The following ANK3 variants were observed in gnomAD, a reference collection of about 807,000 sequenced individuals.
ANK3 encodes ankyrin 3, also known as ankyrin-3.
A neutral mutation model predicts 370.9 loss-of-function variants in ANK3; 57 were observed. The ratio of observed to expected loss-of-function variants is 0.15; its 90% CI spans 0.12 to 0.19. ANK3 has a LOEUF of 0.19. Among genes scored for constraint, ANK3 ranks in the 10% least tolerant of loss-of-function variants. The pLI, the probability that ANK3 is intolerant of heterozygous loss-of-function variation, is 1.00. For missense variants in ANK3, 4,439 were observed against 5,302.1 expected, an observed-to-expected ratio of 0.84 and a Z score of 5.06; for synonymous variants, 1,929 against 1,946.3, an observed-to-expected ratio of 0.99 and a Z score of 0.23.
Position 60,076,437 on chromosome 10 carries a change from T to C in ANK3, c.4444A>G (p.Thr1482Ala), listed in dbSNP as rs1287582962. The C allele has an allele frequency of 6.3e-7, 1 of 1,588,744 alleles. No homozygotes were observed. The highest frequency in any genetic ancestry group is 1.8e-5 in the Admixed American group (1 of 54,992). ...LTEPGMIERS[T>A]GATRSLPTTY... ...GTGGGGAGGGATCTTGTTGCTCCTG[T>C]ACTCCGTTCAACTGTTTCTTAAATT... The change falls in exon 37 of 44, where the codon ACA (threonine) becomes GCA (alanine). Residue 1482 changes from threonine (T) to alanine (A), a missense_variant. Transcript: ENST00000280772.
At chr10:60,207,948 A>T in intron 10 of ANK3, 88 bp downstream of exon 10, 1 of 1,154,354 alleles carries the variant, frequency 8.7e-7, no homozygotes, top group Non-Finnish European at 1.3e-6. Context: ...CTTCTATTTT[A>T]ACCTCCTCAA....
intron 2 of ANK3, among the ~76,000 whole-genome samples, chr10:60,478,778 G>A (rs562090213): frequency 1.3e-5 from 2 of 152,120 alleles, no homozygotes; most frequent in South Asian, 2.1e-4. Flanking sequence ...AACAGCATAA[G>A]CTTTAGGGTC....
chr10:60,406,042 T>A (rs1177067052), intron 2 of ANK3, among the ~76,000 whole-genome samples: 4 of 152,206 alleles, frequency 2.6e-5, no homozygotes, highest in African/African-American at 9.7e-5. Flanking sequence ...ATCTCTGTTT[T>A]CTTGTGGAAG....
At chr10:60,053,799 T>C in intron 42 of ANK3, 1 of 1,191,236 alleles carries the variant, frequency 8.4e-7, no homozygotes, top group Non-Finnish European at 1.1e-6. Flanking sequence ...TGGTTGCTAT[T>C]ATACTATGGT....
In ANK3 at chr10:60,318,102, T is replaced by C. The variant is rs149938458; in HGVS notation, c.115-38463A>G. Reference sequence around the variant, plus strand: ...GGTTATCTGTACCTATTTCATAATTTGTAAAATTTTAAGTTCTGGGATACA... The same window carrying C: ...GGTTATCTGTACCTATTTCATAATTCGTAAAATTTTAAGTTCTGGGATACA... On this transcript the variant is annotated intron_variant, in intron 1 of 43. Transcript: ENST00000280772. 3.4e-4 allele frequency among the ~76,000 whole-genome samples: 52 copies of C among 152,304 alleles called. No homozygotes were observed. The East Asian group carries it at 8.7e-3, about 25-fold the overall frequency.
chr10:60,615,425 T>C (rs1006261888), intron 1 of ANK3, among the ~76,000 whole-genome samples: 4 of 151,286 alleles, frequency 2.6e-5, no homozygotes, highest in Non-Finnish European at 5.9e-5. Context: ...AATGCTTAGA[T>C]AACTACAAAA....
chr10:60,043,713 CT>C (rs2076495330), intron 42 of ANK3: 2 of 985,356 alleles, frequency 2.0e-6, no homozygotes, highest in Non-Finnish European at 1.2e-6. Context: ...CTCTCCGCCC[CT>C]GTCCCAACAG....
chr10:60,115,039 T>C (rs921551110), intron 25 of ANK3, among the ~76,000 whole-genome samples: 2 of 152,178 alleles, frequency 1.3e-5, no homozygotes, highest in Non-Finnish European at 2.9e-5. Flanking sequence ...TACAGTTTCC[T>C]GCTAAGAACA....
chr10:60,207,769 C>T (rs952937018), intron 10 of ANK3, among the ~76,000 whole-genome samples: 2 of 152,098 alleles, frequency 1.3e-5, no homozygotes, highest in African/African-American at 4.8e-5. Context: ...CCACCTTAGT[C>T]TTTTTATAAT....
intron 43 of ANK3, 103 bp downstream of exon 43, chr10:60,042,568 AG>A: frequency 1.8e-6 from 2 of 1,130,702 alleles, no homozygotes; most frequent in South Asian, 1.5e-5. Context: ...GCTGAAATTC[AG>A]TGAAAAGGAA....
intron 1 of ANK3, among the ~76,000 whole-genome samples, chr10:60,635,565 C>T (rs964849733): frequency 2.0e-5 from 3 of 152,104 alleles, no homozygotes; most frequent in Non-Finnish European, 2.9e-5. Flanking sequence ...TAGAACATTT[C>T]ACATATGACC....
chr10:60,516,223 C>T (rs1360274565), intron 2 of ANK3, among the ~76,000 whole-genome samples: 1 of 152,004 alleles, frequency 6.6e-6, no homozygotes, highest in Non-Finnish European at 1.5e-5. Flanking sequence ...AAATGAAGAA[C>T]AGTCATAAAA....
In ANK3 at chr10:60,132,622, AT is replaced by A. The variant is rs113211840; in HGVS notation, c.2841+1648del. ...AGACTAATACATGCACCTATAATCA[AT>A]TTTTTTTTTTTTTGACAGAGTCTCG... On this transcript the variant is annotated intron_variant, in intron 25 of 43. Transcript: ENST00000280772. Among the ~76,000 whole-genome samples the A allele has an allele frequency of 5.5e-3, 790 of 144,430 alleles. 8 individuals carry two copies. Among genetic ancestry groups the A allele is most frequent in the African/African-American group, 0.015 (583 of 39,596 alleles). The allele number at this position is 144,430 out of a possible 152,430, so 94.8% of individuals were successfully genotyped here. A position where few individuals can be genotyped will look rare whatever the true frequency, so the allele number is the denominator to read the frequency against.
chr10:60,344,570 C>A (rs2054991250), intron 1 of ANK3, among the ~76,000 whole-genome samples: 1 of 152,100 alleles, frequency 6.6e-6, no homozygotes, highest in Non-Finnish European at 1.5e-5. Context: ...ATAAAGAACA[C>A]TCCTCTTAAA....
At chr10:60,077,438 G>A (rs2084091323) in intron 36 of ANK3, among the ~76,000 whole-genome samples, 1 of 152,146 alleles carries the variant, frequency 6.6e-6, no homozygotes, top group Non-Finnish European at 1.5e-5. Flanking sequence ...CAATTCGTAT[G>A]CCATATTATG....
At chr10:60,628,978 C>A (rs754279033) in intron 1 of ANK3, among the ~76,000 whole-genome samples, 1 of 152,092 alleles carries the variant, frequency 6.6e-6, no homozygotes, top group Non-Finnish European at 1.5e-5. Context: ...TAGGTATTTG[C>A]CATTTTATTG....
At chr10:60,428,525 A>G (rs2063941370) in intron 2 of ANK3, among the ~76,000 whole-genome samples, 1 of 152,228 alleles carries the variant, frequency 6.6e-6, no homozygotes, top group Admixed American at 6.5e-5. Context: ...CTACACCATG[A>G]CATCGTTCCC....
At chr10:60,370,562 A>G (rs2059976279) in intron 1 of ANK3, among the ~76,000 whole-genome samples, 1 of 152,216 alleles carries the variant, frequency 6.6e-6, no homozygotes, top group African/African-American at 2.4e-5. Context: ...AAATACTTAC[A>G]GCGCAGTAAA....
intron 1 of ANK3, among the ~76,000 whole-genome samples, chr10:60,689,063 G>C (rs2079311497): frequency 6.6e-6 from 1 of 152,184 alleles, no homozygotes; most frequent in South Asian, 2.1e-4. Flanking sequence ...TAATGGGATA[G>C]AAACAAATAA....
Sources: gnomAD v4.1 joint callset for allele counts (sites outside exome capture counted in the v4.1 genomes callset) on GRCh38, gnomAD v4.1.1 for gene constraint, MANE v1.5 for transcripts, NCBI Gene and HGNC (gene_info 2026-07-23, HGNC 2026-07-21) for gene names.